ARHGAP15: variants seen among roughly 807,000 people sequenced by gnomAD.
ARHGAP15 encodes Rho GTPase activating protein 15, also known as rho GTPase-activating protein 15.
In ARHGAP15, 51 loss-of-function variants were observed where a neutral mutation model predicts 63.7. The ratio of observed to expected loss-of-function variants is 0.80; its 90% CI spans 0.64 to 1.01. The LOEUF (loss-of-function observed/expected upper bound fraction) is 1.01, where lower values mean the gene tolerates loss of function less well. ARHGAP15 is among the 50% of genes least tolerant of loss of function. The probability of loss-of-function intolerance (pLI) is 0.00; values close to 1 mark genes in which losing one functional copy is unlikely to be tolerated. For missense variants in ARHGAP15, 560 were observed against 564.6 expected, an observed-to-expected ratio of 0.99 and a Z score of 0.08; for synonymous variants, 191 against 193.8, an observed-to-expected ratio of 0.99 and a Z score of 0.12.
At chr2:143,462,993 C>A (rs1691026058) in intron 8 of ARHGAP15, among the ~76,000 whole-genome samples, 2 of 152,142 alleles carry the variant, frequency 1.3e-5, no homozygotes, top group Non-Finnish European at 2.9e-5. Context: ...ACCTGCAGCC[C>A]CTAGTCCTCC....
chr2:143,250,663 A>G, intron 6 of ARHGAP15, 63 bp downstream of exon 6: 1 of 1,391,938 alleles, frequency 7.2e-7, no homozygotes, highest in Middle Eastern at 1.8e-4. Context: ...CTCTTGGGTA[A>G]CTAAAATAAG....
intron 12 of ARHGAP15, among the ~76,000 whole-genome samples, chr2:143,637,837 G>T (rs982954806): frequency 3.3e-5 from 5 of 151,680 alleles, no homozygotes; most frequent in South Asian, 2.1e-4. Context: ...AAAAGTGGGC[G>T]AAGGACATGA....
chr2:143,389,020 A>C (rs903553629), intron 6 of ARHGAP15, among the ~76,000 whole-genome samples: 1 of 151,698 alleles, frequency 6.6e-6, no homozygotes, highest in Non-Finnish European at 1.5e-5. Context: ...ATCTGGGTAG[A>C]CTGTGAAATT....
At chr2:143,609,742 G>A (rs1023074819) in intron 11 of ARHGAP15, among the ~76,000 whole-genome samples, 2 of 152,136 alleles carry the variant, frequency 1.3e-5, no homozygotes, top group African/African-American at 4.8e-5. Context: ...CCCAGGATCT[G>A]TATGCACTCG....
At chr2:143,610,261 C>T (rs1698200185) in intron 11 of ARHGAP15, among the ~76,000 whole-genome samples, 1 of 152,130 alleles carries the variant, frequency 6.6e-6, no homozygotes, top group Non-Finnish European at 1.5e-5. Context: ...GAAGTTTATT[C>T]AATGCCTTAT....
intron 3 of ARHGAP15, among the ~76,000 whole-genome samples, chr2:143,205,879 C>T (rs138746809): frequency 7.0e-4 from 106 of 152,172 alleles, no homozygotes; most frequent in African/African-American, 2.5e-3. Context: ...CCCCCAAACC[C>T]TCACCCAAGC....
chr2:143,265,989 A>G (rs538739219), intron 6 of ARHGAP15, among the ~76,000 whole-genome samples: 2 of 150,618 alleles, frequency 1.3e-5, no homozygotes, highest in African/African-American at 2.4e-5. Flanking sequence ...GATGAAAAAC[A>G]GGGGGTAAAA....
At chr2:143,645,912 T>A (rs1680851421) in intron 12 of ARHGAP15, among the ~76,000 whole-genome samples, 1 of 152,106 alleles carries the variant, frequency 6.6e-6, no homozygotes, top group South Asian at 2.1e-4. Context: ...ATGGCATTAT[T>A]CCCATTCGTT....
intron 8 of ARHGAP15, among the ~76,000 whole-genome samples, chr2:143,463,989 A>C (rs1691084407): frequency 6.6e-6 from 1 of 152,136 alleles, no homozygotes; most frequent in African/African-American, 2.4e-5. Flanking sequence ...TCCAACATTC[A>C]CACCCTCCAT....
intron 6 of ARHGAP15, among the ~76,000 whole-genome samples, chr2:143,363,436 A>C (rs1161155857): frequency 6.6e-6 from 1 of 152,132 alleles, no homozygotes; most frequent in African/African-American, 2.4e-5. Flanking sequence ...TGGAGTTTAC[A>C]GTGAGCCGAG....
intron 2 of ARHGAP15, among the ~76,000 whole-genome samples, chr2:143,198,297 C>T (rs574105810): frequency 6.6e-6 from 1 of 151,846 alleles, no homozygotes; most frequent in Non-Finnish European, 1.5e-5. Context: ...CTTATTTGTA[C>T]CATGGACTCA....
intron 12 of ARHGAP15, among the ~76,000 whole-genome samples, chr2:143,692,258 G>C (rs1683640023): frequency 6.6e-6 from 1 of 152,182 alleles, no homozygotes; most frequent in African/African-American, 2.4e-5. Context: ...ACATAATTTG[G>C]TTGCATCAGG....
At chr2:143,657,584 G>A (rs1445415403) in intron 12 of ARHGAP15, among the ~76,000 whole-genome samples, 1 of 152,120 alleles carries the variant, frequency 6.6e-6, no homozygotes, top group Admixed American at 6.6e-5. Flanking sequence ...GTTTTTCATA[G>A]CTATGCAAAA....
At chr2:143,135,203 G>T (rs567529017) in intron 1 of ARHGAP15, among the ~76,000 whole-genome samples, 1 of 152,138 alleles carries the variant, frequency 6.6e-6, no homozygotes, top group Non-Finnish European at 1.5e-5. Flanking sequence ...GGGAATACAT[G>T]CTTCATAGTT....
chr2:143,512,113 G>T (rs994832120), intron 9 of ARHGAP15, among the ~76,000 whole-genome samples: 1 of 152,208 alleles, frequency 6.6e-6, no homozygotes, highest in African/African-American at 2.4e-5. Context: ...GGATCTAGGA[G>T]TTCAAAATGC....
chr2:143,632,845 C>T (rs1039596237), intron 12 of ARHGAP15, among the ~76,000 whole-genome samples: 1 of 152,072 alleles, frequency 6.6e-6, no homozygotes. Flanking sequence ...TTATCTTGCC[C>T]TTTGGTCAAA....
At chr2:143,238,600 G>A (rs1372151805) in intron 5 of ARHGAP15, among the ~76,000 whole-genome samples, 1 of 152,210 alleles carries the variant, frequency 6.6e-6, no homozygotes, top group Non-Finnish European at 1.5e-5. Context: ...TGATGGGAGT[G>A]TAAATTAGTC....
intron 4 of ARHGAP15, among the ~76,000 whole-genome samples, chr2:143,223,303 T>C (rs563711771): frequency 6.6e-6 from 1 of 152,290 alleles, no homozygotes; most frequent in East Asian, 1.9e-4. Context: ...CCCTAGGATT[T>C]GTCTCCTGCA....
At chr2:143,667,005 A>G (rs1416487765) in intron 12 of ARHGAP15, among the ~76,000 whole-genome samples, 2 of 144,310 alleles carry the variant, frequency 1.4e-5, no homozygotes, top group Non-Finnish European at 3.0e-5. Flanking sequence ...TGTGGAAGTC[A>G]GTGTGGCGAT....
Sources: gnomAD v4.1 joint callset for allele counts (sites outside exome capture counted in the v4.1 genomes callset) on GRCh38, gnomAD v4.1.1 for gene constraint, MANE v1.5 for transcripts, NCBI Gene and HGNC (gene_info 2026-07-23, HGNC 2026-07-21) for gene names.